Variants in MYO1H observed in about 807,000 individuals in gnomAD.
The protein encoded by MYO1H is unconventional myosin-Ih.
MYO1H carries 118 observed loss-of-function variants against 149.3 expected under a neutral mutation model. The observed-to-expected ratio is 0.79, with a 90% CI of 0.68 to 0.92. The LOEUF is 0.92. MYO1H is among the 40% of genes least tolerant of loss of function. MYO1H has a pLI of 0.00. For synonymous variants in MYO1H, 447 were observed against 465.2 expected (o/e 0.96, Z 0.50); for missense variants, 1,212 against 1,280.7 (o/e 0.95, Z 0.82).
At chr12:109,318,252 T>C in the MYO1H span, among the ~76,000 whole-genome samples, 1 of 152,346 alleles carries the variant, frequency 6.6e-6, no homozygotes, top group South Asian at 2.1e-4. Flanking sequence ...TTTCTTATGC[T>C]ACATTAGAAC....
intron 1 of MYO1H, among the ~76,000 whole-genome samples, chr12:109,349,305 A>G (rs1032787781): frequency 6.6e-6 from 1 of 152,186 alleles, no homozygotes; most frequent in Non-Finnish European, 1.5e-5. Context: ...CTTCCTTCTT[A>G]TGAATTAATT....
At chr12:109,347,051 T>A (rs1241466951), upstream of MYO1H, among the ~76,000 whole-genome samples, 3 of 152,138 alleles carry the variant, frequency 2.0e-5, no homozygotes, top group Non-Finnish European at 2.9e-5. Flanking sequence ...GAAATGGGAT[T>A]AATAAATGAA....
At chr12:109,373,334 G>A (rs1869025335) in intron 1 of MYO1H, among the ~76,000 whole-genome samples, 3 of 151,988 alleles carry the variant, frequency 2.0e-5, no homozygotes, top group Non-Finnish European at 1.5e-5. Context: ...AGACATAGCT[G>A]TATTTTTATA....
chr12:109,412,785 G>A (rs1566033356), intron 14 of MYO1H, among the ~76,000 whole-genome samples: 1 of 151,282 alleles, frequency 6.6e-6, no homozygotes, highest in East Asian at 2.0e-4. Context: ...TTGTTTTTTG[G>A]TTTTGTTTTG....
At chr12:109,338,427 G>T in the MYO1H span, among the ~76,000 whole-genome samples, 1 of 152,076 alleles carries the variant, frequency 6.6e-6, no homozygotes, top group African/African-American at 2.4e-5. Context: ...TCTCTCCAAG[G>T]TCACATTTCC....
chr12:109,432,240 G>C lies in MYO1H; in HGVS notation c.1950-657G>C, dbSNP rs1372598032. ...AGGATGGTCTCGATCTCTTGACCTT[G>C]TGATCCGCCCGCCTCGGCCTCCCAA... On this transcript the variant is annotated intron_variant, in intron 19 of 31. Coordinates refer to ENST00000310903, the Ensembl canonical transcript of MYO1H. Among the ~76,000 whole-genome samples the C allele has an allele frequency of 3.3e-5, 5 of 151,966 alleles. No homozygotes were observed. In the East Asian group the frequency reaches 9.7e-4, roughly 29 times the overall value.
chr12:109,406,669 T>C, intron 8 of MYO1H, 120 bp from the exon 9 acceptor site: 2 of 878,836 alleles, frequency 2.3e-6, no homozygotes, highest in Non-Finnish European at 3.6e-6. Context: ...TACAATGAGC[T>C]ATGATTGTGC....
At position 109,406,053 on chromosome 12, in the gene MYO1H, G is replaced by T. The variant is rs779539359; in HGVS notation, c.963+18G>T. 6.4e-7 allele frequency: 1 copy of T among 1,563,894 alleles called. No individual in the cohort carries two copies. Among genetic ancestry groups the T allele is most frequent in the South Asian group, 1.1e-5 (1 of 89,942 alleles). On this transcript the variant is annotated intron_variant, in intron 8 of 31. Transcript: ENST00000310903. ...TAGCCAAGGTGATGCTCCTCTTTTG[G>T]AGAGGACAGAAGGAGGGGGATGGGT...
chr12:109,443,447 T>A, intron 27 of MYO1H, 67 bp from the exon 28 acceptor site: 1 of 1,571,842 alleles, frequency 6.4e-7, no homozygotes, highest in Non-Finnish European at 8.7e-7. Context: ...ACTTTACCGG[T>A]GTCTGAGTAG....
At chr12:109,338,093 C>T in the MYO1H span, among the ~76,000 whole-genome samples, 39 of 152,254 alleles carry the variant, frequency 2.6e-4, no homozygotes, top group African/African-American at 8.2e-4. Context: ...GTTTTCGAGA[C>T]GGTCTTGTTC....
intron 23 of MYO1H, among the ~76,000 whole-genome samples, chr12:109,439,143 C>T (rs1394587037): frequency 6.6e-5 from 10 of 151,130 alleles, no homozygotes; most frequent in African/African-American, 2.2e-4. Context: ...GGTGTGATCT[C>T]GGCTCACTGC....
At chr12:109,313,811 C>A in the MYO1H span, among the ~76,000 whole-genome samples, 1 of 152,142 alleles carries the variant, frequency 6.6e-6, no homozygotes, top group East Asian at 1.9e-4. Context: ...TTATAATAAC[C>A]TCATTTAATT....
the MYO1H span, among the ~76,000 whole-genome samples, chr12:109,322,529 A>G: frequency 1.3e-5 from 2 of 152,126 alleles, no homozygotes; most frequent in African/African-American, 4.8e-5. Context: ...TGCTTTAACT[A>G]CACCTATAAG....
At chr12:109,441,177 G>C (rs1301588220) in intron 25 of MYO1H, among the ~76,000 whole-genome samples, 1 of 152,206 alleles carries the variant, frequency 6.6e-6, no homozygotes, top group Non-Finnish European at 1.5e-5. Context: ...AACTATTTCA[G>C]GGTTTGTGGC....
chr12:109,390,311 G>A (rs982414666), intron 2 of MYO1H, among the ~76,000 whole-genome samples: 1 of 151,642 alleles, frequency 6.6e-6, no homozygotes, highest in Admixed American at 6.6e-5. Context: ...ACGTAGCTGG[G>A]ATTACAGGCA....
chr12:109,368,123 A>G (rs61936484), intron 1 of MYO1H, among the ~76,000 whole-genome samples: 54,340 of 152,070 alleles, frequency 0.36, 10,049 homozygotes, highest in Admixed American at 0.45. Context: ...TCTCAAAGAA[A>G]AGGCCAAATT....
intron 19 of MYO1H, among the ~76,000 whole-genome samples, chr12:109,428,122 A>G (rs1403184766): frequency 6.6e-6 from 1 of 150,690 alleles, no homozygotes; most frequent in Non-Finnish European, 1.5e-5. Context: ...AAAACTCACA[A>G]AAATTCAGTT....
At chr12:109,409,452 A>T in intron 10 of MYO1H, 105 bp from the exon 11 acceptor site, 1 of 926,860 alleles carries the variant, frequency 1.1e-6, no homozygotes, top group Non-Finnish European at 1.8e-6. Context: ...GAGACAGAGG[A>T]CATATGAGCT....
At chr12:109,312,611 A>G in the MYO1H span, among the ~76,000 whole-genome samples, 7 of 151,768 alleles carry the variant, frequency 4.6e-5, no homozygotes, top group Non-Finnish European at 1.5e-5. Flanking sequence ...TGCTTTGCTT[A>G]TTGGTCTAGT....
Sources: gnomAD v4.1 joint callset for allele counts (sites outside exome capture counted in the v4.1 genomes callset) on GRCh38, gnomAD v4.1.1 for gene constraint, MANE v1.5 for transcripts, NCBI Gene and HGNC (gene_info 2026-07-23, HGNC 2026-07-21) for gene names.